The following RALGAPA2 variants were observed in gnomAD, a reference collection of about 807,000 sequenced individuals.
RALGAPA2 encodes Ral GTPase activating protein catalytic subunit alpha 2.
A neutral mutation model predicts 230.4 loss-of-function variants in RALGAPA2; 139 were observed. The ratio of observed to expected loss-of-function variants is 0.60; its 90% CI spans 0.53 to 0.69. RALGAPA2 has a LOEUF of 0.69. RALGAPA2 is among the 30% of genes least tolerant of loss of function. The pLI is 0.00. For missense variants in RALGAPA2, 2,163 were observed against 2,276.0 expected (o/e 0.95, Z 1.01); for synonymous variants, 847 against 837.8 (o/e 1.01, Z -0.19).
At chr20:20,642,703 G>A (rs911357251) in intron 5 of RALGAPA2, among the ~76,000 whole-genome samples, 3 of 151,498 alleles carry the variant, frequency 2.0e-5, no homozygotes, top group Non-Finnish European at 4.4e-5. Flanking sequence ...AAAATAAGAG[G>A]GACAAAATAT....
chr20:20,535,903 A>G (rs2063485261), intron 25 of RALGAPA2, 100 bp from the exon 26 acceptor site: 1 of 1,441,928 alleles, frequency 6.9e-7, no homozygotes, highest in Non-Finnish European at 9.2e-7. Flanking sequence ...CTGAAGTTCG[A>G]CCAGGGAGCT....
At chr20:20,605,070 G>T in intron 15 of RALGAPA2, 105 bp downstream of exon 15, 1 of 860,530 alleles carries the variant, frequency 1.2e-6, no homozygotes, top group Non-Finnish European at 1.9e-6. Context: ...CTGTGTAGTT[G>T]GTTCAGTTCA....
intron 3 of RALGAPA2, among the ~76,000 whole-genome samples, chr20:20,673,020 T>TA (rs2068189410): frequency 6.6e-6 from 1 of 151,520 alleles, no homozygotes; most frequent in African/African-American, 2.4e-5. Flanking sequence ...CCGTCTCTAC[T>TA]AAAAATACAA....
chr20:20,668,828 G>A (rs2146731856), intron 3 of RALGAPA2, among the ~76,000 whole-genome samples: 1 of 152,304 alleles, frequency 6.6e-6, no homozygotes, highest in South Asian at 2.1e-4. Context: ...TATGCAAAGA[G>A]AGATAAAGGG....
Position 20,524,882 on chromosome 20 carries a change from A to T in RALGAPA2, c.3710T>A (p.Val1237Asp). Reference sequence around the variant, plus strand: ...CTCTGCACTTGGTAAAAGAAAAGCAACTGTGGCCACGAGGATCTGCATAAA... The same window carrying T: ...CTCTGCACTTGGTAAAAGAAAAGCATCTGTGGCCACGAGGATCTGCATAAA... ...RKMAEILVAT[V>D]AFLLPSAEYS... is the part of the protein sequence containing the mutation. The change falls in exon 29 of 40, where the codon GTT becomes GAT. Residue 1237 changes from valine to aspartate, a missense_variant. Coordinates refer to ENST00000202677, the MANE Select transcript of RALGAPA2 (RefSeq NM_020343.4). 1 of 1,608,924 alleles carries T rather than the reference A, an allele frequency of 6.2e-7. No individual in the cohort carries two copies. Among genetic ancestry groups the T allele is most frequent in the Non-Finnish European group, 8.5e-7 (1 of 1,177,448 alleles).
intron 36 of RALGAPA2, among the ~76,000 whole-genome samples, chr20:20,489,296 A>G (rs1342857351): frequency 6.6e-6 from 1 of 152,204 alleles, no homozygotes; most frequent in East Asian, 1.9e-4. Flanking sequence ...CCTCTACGAC[A>G]GTACTGGTAG....
At chr20:20,629,771 C>G (rs2066610399) in intron 9 of RALGAPA2, among the ~76,000 whole-genome samples, 181 bp from the exon 10 acceptor site, 1 of 152,194 alleles carries the variant, frequency 6.6e-6, no homozygotes, top group African/African-American at 2.4e-5. Flanking sequence ...AATTTTCTAA[C>G]TAACCAACAA....
chr20:20,478,706 G>T (rs1236681667), intron 36 of RALGAPA2, among the ~76,000 whole-genome samples: 1 of 152,010 alleles, frequency 6.6e-6, no homozygotes, highest in Non-Finnish European at 1.5e-5. Context: ...TACCAGAAGG[G>T]GGAGGGAGGG....
intron 1 of RALGAPA2, among the ~76,000 whole-genome samples, chr20:20,702,700 C>T (rs1231292622): frequency 6.6e-6 from 1 of 152,192 alleles, no homozygotes; most frequent in African/African-American, 2.4e-5. Flanking sequence ...GCAGCACATT[C>T]TTATGGCTCT....
intron 1 of RALGAPA2, among the ~76,000 whole-genome samples, chr20:20,711,206 C>T (rs373618017): frequency 9.9e-4 from 151 of 152,332 alleles, no homozygotes; most frequent in African/African-American, 3.5e-3. Flanking sequence ...TTCTCCCCCT[C>T]AGAGGTAGAA....
At chr20:20,708,557 A>C (rs1295252669) in intron 1 of RALGAPA2, among the ~76,000 whole-genome samples, 1 of 152,016 alleles carries the variant, frequency 6.6e-6, no homozygotes, top group Non-Finnish European at 1.5e-5. Flanking sequence ...CTTCTCATTC[A>C]CCTTCTGCCA....
intron 14 of RALGAPA2, among the ~76,000 whole-genome samples, chr20:20,606,953 C>A (rs770549613): frequency 5.3e-5 from 8 of 152,204 alleles, no homozygotes; most frequent in Non-Finnish European, 1.0e-4. Flanking sequence ...CTCAAATGAG[C>A]CACAAATGCT....
At chr20:20,514,822 C>T (rs966845404) in intron 31 of RALGAPA2, among the ~76,000 whole-genome samples, 3 of 152,214 alleles carry the variant, frequency 2.0e-5, no homozygotes, top group African/African-American at 7.2e-5. Flanking sequence ...CTTTTGCACT[C>T]CAAGCCCAGG....
chr20:20,394,649 A>G (rs919074420), intron 39 of RALGAPA2, among the ~76,000 whole-genome samples: 1 of 151,870 alleles, frequency 6.6e-6, no homozygotes, highest in African/African-American at 2.4e-5. Flanking sequence ...AACACCACAC[A>G]TGAAAAACCT....
intron 26 of RALGAPA2, among the ~76,000 whole-genome samples, chr20:20,534,224 C>G (rs1290348102): frequency 6.6e-6 from 1 of 152,008 alleles, no homozygotes; most frequent in East Asian, 1.9e-4. Flanking sequence ...GCAGGCAGAT[C>G]ACGAAGTCAG....
chr20:20,660,680 A>G (rs752945489), intron 3 of RALGAPA2, among the ~76,000 whole-genome samples: 3 of 152,218 alleles, frequency 2.0e-5, no homozygotes, highest in Non-Finnish European at 4.4e-5. Context: ...AGAACCTCCC[A>G]TTAAGGTTTT....
At chr20:20,672,813 T>C (rs539441930) in intron 3 of RALGAPA2, among the ~76,000 whole-genome samples, 2 of 152,260 alleles carry the variant, frequency 1.3e-5, no homozygotes, top group Admixed American at 1.3e-4. Context: ...TTGAGAAACA[T>C]ACATATACCA....
intron 1 of RALGAPA2, among the ~76,000 whole-genome samples, chr20:20,681,453 G>A (rs947003499): frequency 3.3e-5 from 5 of 152,280 alleles, no homozygotes; most frequent in Middle Eastern, 3.4e-3. Context: ...ATAGGCGGGG[G>A]TGTGGGGAAC....
At chr20:20,466,856 C>G (rs533919235) in intron 37 of RALGAPA2, among the ~76,000 whole-genome samples, 1 of 152,326 alleles carries the variant, frequency 6.6e-6, no homozygotes, top group Admixed American at 6.5e-5. Context: ...CAGTACATAA[C>G]GTTACATTTT....
Sources: allele counts gnomAD v4.1 joint callset (sites outside exome capture counted in the v4.1 genomes callset), GRCh38; gene constraint gnomAD v4.1.1; transcripts MANE v1.5; gene names NCBI Gene and HGNC (gene_info 2026-07-23, HGNC 2026-07-21).